The following CSNK1D variants were observed in gnomAD, a reference collection of about 807,000 sequenced individuals.
CSNK1D encodes casein kinase 1 delta.
A neutral mutation model predicts 46.6 loss-of-function variants in CSNK1D; 16 were observed. The observed-to-expected ratio is 0.34, with a 90% CI of 0.23 to 0.52. The LOEUF (loss-of-function observed/expected upper bound fraction) is 0.52, where lower values mean the gene tolerates loss of function less well. CSNK1D is among the 20% of genes least tolerant of loss of function. CSNK1D has a pLI of 0.95. For missense variants in CSNK1D, 398 were observed against 578.4 expected, an observed-to-expected ratio of 0.69 and a Z score of 3.20; for synonymous variants, 276 against 228.2, an observed-to-expected ratio of 1.21 and a Z score of -1.89.
intron 2 of CSNK1D, among the ~76,000 whole-genome samples, chr17:82,257,482 G>GTT (rs148178839): frequency 7.2e-5 from 11 of 152,232 alleles, no homozygotes; most frequent in Non-Finnish European, 1.3e-4. Flanking sequence ...AACAAAAACA[G>GTT]TAATAGGGGC....
chr17:82,272,602 T>C (rs886113267), intron 1 of CSNK1D, among the ~76,000 whole-genome samples: 2 of 152,284 alleles, frequency 1.3e-5, no homozygotes, highest in African/African-American at 4.8e-5. Flanking sequence ...CCTTGCTCAT[T>C]TGCACTCAGT....
chr17:82,252,338 C>T lies in CSNK1D; in HGVS notation c.736+96G>A. 5 of 1,450,138 alleles carry T rather than the reference C, an allele frequency of 3.4e-6. No homozygotes were observed. Among genetic ancestry groups the T allele is most frequent in the Non-Finnish European group, 9.7e-7 (1 of 1,033,142 alleles). 89.8% of individuals were successfully genotyped at this position (1,450,138 alleles called of 1,614,324 possible). A position where few individuals can be genotyped will look rare whatever the true frequency, so the allele number is the denominator to read the frequency against. On this transcript the variant is annotated intron_variant, in intron 5 of 8. Transcript: ENST00000314028. This position sits in a 1 kb window ranked among gnomAD's most constrained non-coding sequence, Gnocchi z 4.6. ...CCACCCCTTTGGAAGGTGAGCAACT[C>T]TTCTGACAAAACCCAGACTGAGCCG...
chr17:82,254,521 G>A (rs1322891243), intron 3 of CSNK1D: 8 of 177,840 alleles, frequency 4.5e-5, no homozygotes, highest in Non-Finnish European at 8.4e-5. Flanking sequence ...CTGAGCCGCC[G>A]GAGCCTCCAG....
intron 3 of CSNK1D, among the ~76,000 whole-genome samples, chr17:82,254,870 G>A (rs1181254905): frequency 4.8e-5 from 6 of 124,478 alleles, no homozygotes; most frequent in East Asian, 2.6e-4. Context: ...GTGCTGAGCC[G>A]CCGGGGGCCT....
rs980167357 is a variant in CSNK1D at position 82,244,249 on chromosome 17, C to G, written c.*532G>C. 15 of 1,082,340 alleles carry G rather than the reference C, an allele frequency of 1.4e-5. No individual in the cohort carries two copies. In the African/African-American group the frequency reaches 2.5e-4, roughly 18 times the overall value. The allele number at this position is 1,082,340 out of a possible 1,614,324, so 67.0% of individuals were successfully genotyped here. ...CCTTGAGATCCACCTGCACCTTCTC[C>G]CTGCCCGACTCCACCTCATACACTA... On this transcript the variant is annotated 3_prime_UTR_variant, in exon 9 of 9. Transcript: ENST00000314028.
At chr17:82,265,178 AT>A (rs111692114) in intron 2 of CSNK1D, 7,097 of 173,500 alleles carry the variant, frequency 0.041, 13 homozygotes, top group South Asian at 0.12. Flanking sequence ...ATGGTATAAG[AT>A]TTTTTTTTTT....
At position 82,252,699 on chromosome 17, in the gene CSNK1D, G is replaced by A. The variant is rs571027844; in HGVS notation, c.566-95C>T. 5 of 1,265,486 alleles carry A rather than the reference G, an allele frequency of 4.0e-6. No homozygotes were observed. In the South Asian group the frequency reaches 5.1e-5, roughly 13 times the overall value. 78.4% of individuals were successfully genotyped at this position (1,265,486 alleles called of 1,614,324 possible). ...GCCGTTCCAGTGGAGACTAGCCTCA[G>A]ACACACATGCCCAGATCACTCCAGC... On this transcript the variant is annotated intron_variant, in intron 4 of 8. Coordinates refer to ENST00000314028, the MANE Select transcript of CSNK1D (RefSeq NM_001893.6). This position sits in a 1 kb window ranked among gnomAD's most constrained non-coding sequence, Gnocchi z 4.6.
In CSNK1D at chr17:82,244,411, AC is replaced by A; in HGVS notation, c.*369del. ...ATAATTTTTAGCAAAATGATACAAA[AC>A]TGTCTTAACCAAGTAGAAGATTGGT... On this transcript the variant is annotated 3_prime_UTR_variant, in exon 9 of 9. Coordinates refer to ENST00000314028, the MANE Select transcript of CSNK1D (RefSeq NM_001893.6). 1 of 1,195,570 alleles carries A rather than the reference AC, an allele frequency of 8.4e-7. No homozygotes were observed. Among genetic ancestry groups the A allele is most frequent in the South Asian group, 2.0e-5 (1 of 49,394 alleles). 74.1% of individuals were successfully genotyped at this position (1,195,570 alleles called of 1,614,324 possible).
At chr17:82,264,926 T>C (rs986082351) in intron 2 of CSNK1D, among the ~76,000 whole-genome samples, 51 of 146,738 alleles carry the variant, frequency 3.5e-4, no homozygotes, top group Non-Finnish European at 5.4e-4. Context: ...GCCTCCCAAG[T>C]AGCTGGGACT....
Position 82,265,700 on chromosome 17 carries a change from A to C in CSNK1D, c.173T>G (p.Met58Arg). The C allele has an allele frequency of 2.5e-6, 4 of 1,613,876 alleles. No individual in the cohort carries two copies. The highest frequency in any genetic ancestry group is 3.4e-6 in the Non-Finnish European group (4 of 1,179,766). Residue 58 changes from methionine (M) to arginine (R), a missense_variant, in exon 2 of 9, where the codon ATG (methionine) becomes AGG (arginine). Physicochemically the swap from Met to Arg is moderately conservative, Grantham distance 91. Transcript: ENST00000314028. ...TAAAGACCTACCTCCTCCCTGCATC[A>C]TCTTGTAGATTTTGCTCTCAATGTG... is the stretch of plus-strand genomic sequence containing the variant. ...QLHIESKIYKMMQGGVGIPTI... is the reference protein window; with the variant it reads ...QLHIESKIYKRMQGGVGIPTI...
Position 82,249,616 on chromosome 17 carries a change from A to G in CSNK1D, c.886-14T>C. ...CCGGCTGGCACCCTGAGGAGGCAGG[A>G]GGTGAGGCCGGAATGGAACCAGCTT... On this transcript the variant is annotated splice_polypyrimidine_tract_variant and intron_variant, in intron 6 of 8. Transcript: ENST00000314028. The surrounding 1 kb of genome is among the most constrained non-coding windows in gnomAD (Gnocchi z 6.7). 1 of 1,558,894 alleles carries G rather than the reference A, an allele frequency of 6.4e-7. No homozygotes were observed. The highest frequency in any genetic ancestry group is 1.9e-5 in the Admixed American group (1 of 52,570).
At position 82,253,127 on chromosome 17, in the gene CSNK1D, G is replaced by A; in HGVS notation, c.454C>T (p.Leu152=). 2.5e-6 allele frequency: 4 copies of A among 1,614,236 alleles called. No individual in the cohort carries two copies. The highest frequency in any genetic ancestry group is 3.4e-6 in the Non-Finnish European group (4 of 1,180,022). The change falls in exon 4 of 9, where the codon CTG becomes TTG. Residue 152 remains leucine (L), a synonymous_variant. Transcript: ENST00000314028. The part of the protein sequence containing the change: ...GNLVYIIDFG[L]AKKYRDARTH... ...CGTGCATCCCGGTACTTCTTGGCCAGCCCGAAGTCGATGATGTACACCAGG... is the reference window on the plus strand; with the variant it reads ...CGTGCATCCCGGTACTTCTTGGCCAACCCGAAGTCGATGATGTACACCAGG...
intron 2 of CSNK1D, chr17:82,265,240 G>A (rs1242447851): frequency 1.8e-5 from 5 of 274,566 alleles, no homozygotes; most frequent in South Asian, 7.5e-5. Context: ...GTGCAGTGGC[G>A]TGATCTCGGC....
intron 2 of CSNK1D, among the ~76,000 whole-genome samples, chr17:82,262,959 C>A (rs918069598): frequency 6.6e-6 from 1 of 152,202 alleles, no homozygotes; most frequent in South Asian, 2.1e-4. Flanking sequence ...GTGGGCAGAT[C>A]GCCTGAGATC....
At position 82,249,852 on chromosome 17, in the gene CSNK1D, T is replaced by C; in HGVS notation, c.886-250A>G. Reference sequence around the variant, plus strand: ...CCCCACTCGCCATGGCATCTCCCTGTGGGCTCAGAACTTCCTTAAACTTCC... The same window carrying C: ...CCCCACTCGCCATGGCATCTCCCTGCGGGCTCAGAACTTCCTTAAACTTCC... On this transcript the variant is annotated intron_variant, in intron 6 of 8. Coordinates refer to ENST00000314028, the MANE Select transcript of CSNK1D (RefSeq NM_001893.6). This position sits in a 1 kb window ranked among gnomAD's most constrained non-coding sequence, Gnocchi z 6.7. The C allele has an allele frequency of 1.4e-6, 2 of 1,421,384 alleles. No homozygotes were observed. The highest frequency in any genetic ancestry group is 1.8e-6 in the Non-Finnish European group (2 of 1,091,014). The allele number at this position is 1,421,384 out of a possible 1,614,324, so 88.0% of individuals were successfully genotyped here. A position where few individuals can be genotyped will look rare whatever the true frequency, so the allele number is the denominator to read the frequency against.
At position 82,250,960 on chromosome 17, in the gene CSNK1D, G is replaced by A; in HGVS notation, c.885+419C>T. The A allele has an allele frequency of 3.5e-6, 1 of 282,456 alleles. No homozygotes were observed. The highest frequency in any genetic ancestry group is 1.3e-3 in the Middle Eastern group (1 of 742). The allele number at this position is 282,456 out of a possible 1,614,324, so 17.5% of individuals were successfully genotyped here. A position where few individuals can be genotyped will look rare whatever the true frequency, so the allele number is the denominator to read the frequency against. ...ACAGGGAAAATCAGCTCATGACAGG[G>A]TCAGTCAGGCTAGACGGGTAGCACC... is the stretch of plus-strand genomic sequence containing the variant. On this transcript the variant is annotated intron_variant, in intron 6 of 8. Transcript: ENST00000314028. This position sits in a 1 kb window ranked among gnomAD's most constrained non-coding sequence, Gnocchi z 4.6.
Position 82,243,352 on chromosome 17 carries a change from A to G in CSNK1D, c.*1429T>C. 1 of 985,590 alleles carries G rather than the reference A, an allele frequency of 1.0e-6. No homozygotes were observed. The highest frequency in any genetic ancestry group is 1.2e-6 in the Non-Finnish European group (1 of 830,020). 61.1% of individuals were successfully genotyped at this position (985,590 alleles called of 1,614,324 possible). On this transcript the variant is annotated 3_prime_UTR_variant, in exon 9 of 9. Transcript: ENST00000314028. ...GTCCAGCCGAAGTGCCCACGAACAC[A>G]GACTGCCCTGCGCATTGGGGTTGGG...
rs776033703 is a variant in CSNK1D at position 82,252,418 on chromosome 17, G to T, written c.736+16C>A. 3.1e-6 allele frequency: 5 copies of T among 1,613,848 alleles called. No individual in the cohort carries two copies. The highest frequency in any genetic ancestry group is 2.5e-6 in the Non-Finnish European group (3 of 1,179,888). On this transcript the variant is annotated intron_variant, in intron 5 of 8. Transcript: ENST00000314028. The surrounding 1 kb of genome is among the most constrained non-coding windows in gnomAD (Gnocchi z 4.6). ...CTGTGAGCAGCTCCGCTGAGAAGAG[G>T]CCTCCAGAGACTTACAAGGGTAGCC... is the stretch of plus-strand genomic sequence containing the variant.
intron 2 of CSNK1D, 24 bp downstream of exon 2, chr17:82,265,662 G>A (rs2051449968): frequency 6.5e-7 from 1 of 1,549,304 alleles, no homozygotes; most frequent in Non-Finnish European, 8.9e-7. Context: ...CCCTGGTGTT[G>A]CTCTGTGACT....
Sources: gnomAD v4.1 joint callset for allele counts (sites outside exome capture counted in the v4.1 genomes callset) on GRCh38, gnomAD v4.1.1 for gene constraint, Gnocchi (gnomAD v3.1) non-coding constraint, MANE v1.5 for transcripts, NCBI Gene and HGNC (gene_info 2026-07-23, HGNC 2026-07-21) for gene names.